Variants in PRPSAP2 observed in about 807,000 individuals in gnomAD.
The protein encoded by PRPSAP2 is phosphoribosyl pyrophosphate synthetase associated protein 2, also known as phosphoribosyl pyrophosphate synthase-associated protein 2.
A neutral mutation model predicts 40.6 loss-of-function variants in PRPSAP2; 24 were observed. The ratio of observed to expected loss-of-function variants is 0.59; its 90% CI spans 0.43 to 0.83. The LOEUF (loss-of-function observed/expected upper bound fraction) is 0.83. Among genes scored for constraint, PRPSAP2 ranks in the 40% least tolerant of loss-of-function variants. PRPSAP2 has a pLI of 0.00. For missense variants in PRPSAP2, 292 were observed against 465.6 expected, an observed-to-expected ratio of 0.63 and a Z score of 3.43; for synonymous variants, 149 against 164.7, an observed-to-expected ratio of 0.90 and a Z score of 0.73.
chr17:18,892,947 G>C (rs2039667081), intron 8 of PRPSAP2, among the ~76,000 whole-genome samples: 1 of 151,612 alleles, frequency 6.6e-6, no homozygotes, highest in South Asian at 2.1e-4. Context: ...TATATTTGGA[G>C]AAATGCCTGT....
At chr17:18,916,933 A>T (rs187215380) in intron 9 of PRPSAP2, among the ~76,000 whole-genome samples, 2 of 152,160 alleles carry the variant, frequency 1.3e-5, no homozygotes, top group Non-Finnish European at 2.9e-5. Context: ...ATACTATCAC[A>T]TTGGGTATTA....
At chr17:18,881,875 C>G (rs953700459) in intron 6 of PRPSAP2, among the ~76,000 whole-genome samples, 6 of 129,140 alleles carry the variant, frequency 4.6e-5, no homozygotes, top group African/African-American at 1.8e-4. Flanking sequence ...GAGTCTTGCT[C>G]TGTCACCCAG....
chr17:18,894,169 T>C (rs927909454), intron 8 of PRPSAP2, among the ~76,000 whole-genome samples: 8 of 151,796 alleles, frequency 5.3e-5, no homozygotes, highest in South Asian at 2.1e-4. Flanking sequence ...CTTTTTTTTT[T>C]CTTTTGAGAC....
intron 8 of PRPSAP2, chr17:18,908,389 A>G (rs7222893): frequency 0.51 from 391,100 of 764,096 alleles, 102,512 homozygotes; most frequent in Middle Eastern, 0.6. Context: ...AAATTAAAAC[A>G]CTGGAGGAAG....
intron 8 of PRPSAP2, among the ~76,000 whole-genome samples, chr17:18,898,978 C>T (rs1395231339): frequency 5.3e-5 from 8 of 151,926 alleles, no homozygotes; most frequent in Admixed American, 2.0e-4. Flanking sequence ...CTTGGCTCAC[C>T]GTTGCAACCT....
chr17:18,930,578 G>A lies in PRPSAP2; in HGVS notation c.990G>A (p.Lys330=). 6.2e-7 allele frequency: 1 copy of A among 1,613,502 alleles called. No individual in the cohort carries two copies. The highest frequency in any genetic ancestry group is 8.5e-7 in the Non-Finnish European group (1 of 1,179,662). Reference sequence around the variant, plus strand: ...ATACAATTCCACATGAAGTCCAGAAGCTCCAGTGCCCCAAGATTAAAACTG... The same window carrying A: ...ATACAATTCCACATGAAGTCCAGAAACTCCAGTGCCCCAAGATTAAAACTG... ...VTNTIPHEVQ[K]LQCPKIKTVD... Residue 330 remains lysine, a synonymous_variant, in exon 12 of 12, where the codon AAG becomes AAA. Coordinates refer to ENST00000268835, the MANE Select transcript of PRPSAP2 (RefSeq NM_002767.4).
At chr17:18,894,751 G>A (rs570816727) in intron 8 of PRPSAP2, among the ~76,000 whole-genome samples, 36 of 152,278 alleles carry the variant, frequency 2.4e-4, no homozygotes, top group African/African-American at 7.9e-4. Flanking sequence ...CCAAAGTGCT[G>A]GGATTACAGG....
In PRPSAP2 at chr17:18,911,125, C is replaced by G; in HGVS notation, c.607C>G (p.Leu203Val). The change falls in exon 9 of 12, where the codon CTG becomes GTG. Residue 203 changes from leucine (L) to valine (V), a missense_variant. Around this residue, in one of 2 missense-constraint regions of PRPSAP2, gnomAD observed 241 missense variants for 425.7 expected, o/e 0.57. Coordinates refer to ENST00000268835, the MANE Select transcript of PRPSAP2 (RefSeq NM_002767.4). The surrounding 1 kb of genome is among the most constrained non-coding windows in gnomAD (Gnocchi z 4.5). ...CAGGGCACAGTCTTTTGCTGAGCGC[C>G]TGCGCCTGGGAATTGCAGTGATTCA... Reference protein sequence around the residue: ...AKRAQSFAERLRLGIAVIHGE... With the variant: ...AKRAQSFAERVRLGIAVIHGE... 6.2e-7 allele frequency: 1 copy of G among 1,612,600 alleles called. No homozygotes were observed. Among genetic ancestry groups the G allele is most frequent in the Non-Finnish European group, 8.5e-7 (1 of 1,179,110 alleles).
At chr17:18,876,104 G>C (rs746381840) in intron 5 of PRPSAP2, among the ~76,000 whole-genome samples, 11 of 152,210 alleles carry the variant, frequency 7.2e-5, no homozygotes, top group Non-Finnish European at 1.0e-4. Context: ...TTGCACTCCA[G>C]CCTGGGCAAC....
At chr17:18,908,645 A>T (rs1049488666) in intron 8 of PRPSAP2, 2 of 720,368 alleles carry the variant, frequency 2.8e-6, no homozygotes, top group African/African-American at 1.7e-5. Flanking sequence ...ACCCACGCCG[A>T]CTTCGCCAAC....
At chr17:18,892,727 G>GTTTATTTATT (rs60288281) in intron 8 of PRPSAP2, among the ~76,000 whole-genome samples, 1 of 126,626 alleles carries the variant, frequency 7.9e-6, no homozygotes, top group African/African-American at 3.0e-5. Flanking sequence ...GTGTGTGTGT[G>GTTTATTTATT]TATTTATTTA....
At chr17:18,890,664 GT>G (rs765903120) in intron 8 of PRPSAP2, among the ~76,000 whole-genome samples, 3 of 152,166 alleles carry the variant, frequency 2.0e-5, no homozygotes, top group African/African-American at 7.2e-5. Context: ...ACGATCTAGT[GT>G]TTTCCCCAGA....
rs762251868 is a variant in PRPSAP2, at chr17:18,865,876, A to G, written c.43A>G (p.Ile15Val). The G allele has an allele frequency of 4.5e-6, 7 of 1,544,016 alleles. 1 individual carries two copies. Residue 15 changes from isoleucine to valine, a missense_variant, in exon 3 of 12, where the codon ATA becomes GTA. Physicochemically the swap from Ile to Val is conservative, Grantham distance 29. Transcript: ENST00000268835. ...TPPELETKMN[I>V]TKGGLVLFSA... Reference sequence around the variant, plus strand: ...ACCTGAATTAGAAACCAAGATGAACATAACCAAAGGTGGTCTGGTGTTGTT... The same window carrying G: ...ACCTGAATTAGAAACCAAGATGAACGTAACCAAAGGTGGTCTGGTGTTGTT...
chr17:18,872,548 G>A, intron 4 of PRPSAP2, 35 bp from the exon 5 acceptor site: 1 of 1,489,538 alleles, frequency 6.7e-7, no homozygotes, highest in Non-Finnish European at 9.3e-7. Context: ...TGAACTATAT[G>A]CCTTTCCCTC....
At chr17:18,908,812 G>C in intron 8 of PRPSAP2, 1 of 722,224 alleles carries the variant, frequency 1.4e-6, no homozygotes, top group Non-Finnish European at 2.6e-6. Flanking sequence ...GGAAAAGCTA[G>C]AAGCTCTTTT....
intron 4 of PRPSAP2, among the ~76,000 whole-genome samples, chr17:18,867,551 G>T (rs566924460): frequency 6.6e-6 from 1 of 152,198 alleles, no homozygotes; most frequent in Non-Finnish European, 1.5e-5. Flanking sequence ...GGCTTGAACT[G>T]CAGTTCTGAG....
Position 18,927,349 on chromosome 17 carries a change from C to G in PRPSAP2, c.805-1462C>G, listed in dbSNP as rs1021252494. Among the ~76,000 whole-genome samples the G allele has an allele frequency of 2.0e-5, 3 of 152,238 alleles. No individual in the cohort carries two copies. The South Asian group carries it at 6.2e-4, about 31-fold the overall frequency. On this transcript the variant is annotated intron_variant, in intron 10 of 11. Transcript: ENST00000268835. ...AGCCACAGCACTGGCAACCACTGAT[C>G]TGTCCCCTGTCTTTCTAATTATTAT...
At chr17:18,872,975 T>G (rs1002253492) in intron 5 of PRPSAP2, among the ~76,000 whole-genome samples, 4 of 151,624 alleles carry the variant, frequency 2.6e-5, no homozygotes, top group African/African-American at 9.7e-5. Flanking sequence ...CCCGAGTAGC[T>G]GGTACTACAG....
intron 8 of PRPSAP2, among the ~76,000 whole-genome samples, chr17:18,903,579 C>A (rs2040413022): frequency 2.0e-5 from 3 of 151,964 alleles, no homozygotes; most frequent in Admixed American, 2.0e-4. Context: ...ACCAAAAATA[C>A]AAAAATTAGC....
Sources: allele counts gnomAD v4.1 joint callset (sites outside exome capture counted in the v4.1 genomes callset), GRCh38; gene constraint gnomAD v4.1.1; regional missense constraint gnomAD v4.1.1; non-coding constraint Gnocchi (gnomAD v3.1); transcripts MANE v1.5; gene names NCBI Gene and HGNC (gene_info 2026-07-23, HGNC 2026-07-21).